TNS1: variants seen among roughly 807,000 people sequenced by gnomAD.
TNS1 encodes the protein tensin 1.
Under a neutral mutation model 168.6 loss-of-function variants are expected in TNS1, and 62 were observed. The ratio of observed to expected loss-of-function variants is 0.37; its 90% CI spans 0.30 to 0.45. The LOEUF is 0.45. Among genes scored for constraint, TNS1 ranks in the 20% least tolerant of loss-of-function variants. The probability of loss-of-function intolerance (pLI) is 1.00; values close to 1 mark genes in which losing one functional copy is unlikely to be tolerated. For missense variants in TNS1, 2,240 were observed against 2,339.4 expected (o/e 0.96, Z 0.88); for synonymous variants, 934 against 933.2 (o/e 1.00, Z -0.02).
rs953182461 is a variant in TNS1, at chr2:217,893,695, C to A, written c.595-134G>T. On this transcript the variant is annotated intron_variant, in intron 9 of 32. Coordinates refer to ENST00000682258, the MANE Select transcript of TNS1 (RefSeq NM_001387777.1). ...GCTGGTTCCTGCCAGGACTTGGTTC[C>A]TCCCTGCCCACTGGCCAGCGAGGAG... 4 of 1,308,176 alleles carry A rather than the reference C, an allele frequency of 3.1e-6. No homozygotes were observed. The Admixed American group carries it at 7.1e-5, about 23-fold the overall frequency. 81.0% of individuals were successfully genotyped at this position (1,308,176 alleles called of 1,614,324 possible).
At chr2:217,915,539 C>T (rs1397759533) in intron 4 of TNS1, among the ~76,000 whole-genome samples, 1 of 152,120 alleles carries the variant, frequency 6.6e-6, no homozygotes, top group Non-Finnish European at 1.5e-5. Flanking sequence ...GGTAGGTGCT[C>T]CAGAGATATG....
chr2:217,958,747 G>A (rs566972685), intron 3 of TNS1, among the ~76,000 whole-genome samples: 1 of 152,326 alleles, frequency 6.6e-6, no homozygotes, highest in East Asian at 1.9e-4. Flanking sequence ...GCCCAGGCAG[G>A]CAGGTAAGCA....
intron 4 of TNS1, among the ~76,000 whole-genome samples, chr2:217,916,891 G>C (rs958593296): frequency 2.6e-5 from 4 of 152,204 alleles, no homozygotes; most frequent in Admixed American, 2.6e-4. Flanking sequence ...CAGAAGGACA[G>C]ACACACCATG....
At chr2:217,907,570 T>G (rs574367033) in intron 4 of TNS1, among the ~76,000 whole-genome samples, 1 of 152,334 alleles carries the variant, frequency 6.6e-6, no homozygotes, top group South Asian at 2.1e-4. Context: ...ACTTACAGCA[T>G]CTCATTTATT....
chr2:218,024,469 C>T (rs1368076100), intron 1 of TNS1, among the ~76,000 whole-genome samples: 1 of 152,128 alleles, frequency 6.6e-6, no homozygotes, highest in Non-Finnish European at 1.5e-5. Flanking sequence ...TGCAGTCTGC[C>T]GGCTGCTGCA....
chr2:217,805,594 A>C (rs1187600979), intron 32 of TNS1, among the ~76,000 whole-genome samples: 1 of 42,924 alleles, frequency 2.3e-5, no homozygotes, highest in African/African-American at 7.5e-5. Flanking sequence ...AACACACACC[A>C]CCACACACCA....
intron 3 of TNS1, among the ~76,000 whole-genome samples, chr2:217,963,598 C>G (rs934601053): frequency 2.6e-5 from 4 of 151,958 alleles, no homozygotes; most frequent in Admixed American, 6.6e-5. Context: ...TTCCAAATAG[C>G]TAGATAAGAA....
chr2:217,968,198 G>C (rs1238598993), intron 3 of TNS1, among the ~76,000 whole-genome samples: 1 of 152,182 alleles, frequency 6.6e-6, no homozygotes, highest in Non-Finnish European at 1.5e-5. Flanking sequence ...ATGCTTAGTG[G>C]TGAAATATTG....
At chr2:218,009,112 G>A (rs987517307) in intron 1 of TNS1, among the ~76,000 whole-genome samples, 7 of 152,184 alleles carry the variant, frequency 4.6e-5, no homozygotes, top group African/African-American at 7.2e-5. Flanking sequence ...CCATAGCTGG[G>A]ACTCTTAACC....
intron 18 of TNS1, among the ~76,000 whole-genome samples, chr2:217,868,497 A>G (rs1046271617): frequency 2.0e-5 from 3 of 152,234 alleles, no homozygotes; most frequent in Non-Finnish European, 4.4e-5. Context: ...GGGATGGTTG[A>G]AGGTGAACTC....
intron 18 of TNS1, chr2:217,859,575 G>A (rs772996433): frequency 2.1e-5 from 30 of 1,421,040 alleles, no homozygotes; most frequent in Non-Finnish European, 6.7e-6. Context: ...ATTCTGGCTT[G>A]GCAACTTGAC....
At chr2:217,949,902 C>T (rs1335368576) in intron 3 of TNS1, among the ~76,000 whole-genome samples, 1 of 152,112 alleles carries the variant, frequency 6.6e-6, no homozygotes. Context: ...AAACCTGAAT[C>T]GATAAGAGTT....
In TNS1 at chr2:217,938,412, C is replaced by T. The variant is rs115931819; in HGVS notation, c.187-18176G>A. ...TGTGGCCAGGAGCCCTACCCTTGCA[C>T]GGGTTCAAAGCTCTCAGCTTATATG... On this transcript the variant is annotated intron_variant, in intron 3 of 32. Coordinates refer to ENST00000682258, the MANE Select transcript of TNS1 (RefSeq NM_001387777.1). Among the ~76,000 whole-genome samples the T allele has an allele frequency of 9.8e-3, 1,498 of 152,292 alleles. 28 individuals carry two copies. Among genetic ancestry groups the T allele is most frequent in the African/African-American group, 0.034 (1,393 of 41,544 alleles).
chr2:217,888,592 A>C (rs1384366494), intron 12 of TNS1, among the ~76,000 whole-genome samples: 1 of 152,188 alleles, frequency 6.6e-6, no homozygotes, highest in East Asian at 1.9e-4. Context: ...GTGAGAGATA[A>C]TTGAATCATG....
rs147184489 is a variant in TNS1, at chr2:217,840,942, G to T, written c.3008-4731C>A. Among the ~76,000 whole-genome samples, 648 of 152,330 alleles carry T rather than the reference G, an allele frequency of 4.3e-3. 5 individuals carry two copies. Among genetic ancestry groups the T allele is most frequent in the African/African-American group, 0.015 (622 of 41,562 alleles). On this transcript the variant is annotated intron_variant, in intron 19 of 32. Coordinates refer to ENST00000682258, the MANE Select transcript of TNS1 (RefSeq NM_001387777.1). ...CTCTGGCTCATGCAGACAGGAGGGAGAGAGGGCTGGAGAGAGGAGGGATGG... is the reference window on the plus strand; with the variant it reads ...CTCTGGCTCATGCAGACAGGAGGGATAGAGGGCTGGAGAGAGGAGGGATGG...
chr2:217,882,411 T>C lies in TNS1; in HGVS notation c.1247A>G (p.Asp416Gly). ...TTTGCCATACTCTGGAAATCGATCA[T>C]CTGGAAAAAGAGAAGGAAAAATAAA... The part of the protein sequence containing the change: ...GKEDLDDAFK[D>G]DRFPEYGKVE... Residue 416 changes from aspartate (D) to glycine (G), a missense_variant and splice_region_variant, in exon 17 of 33, where the codon GAT becomes GGT. Physicochemically the swap from Asp to Gly is moderately conservative, Grantham distance 94. Transcript: ENST00000682258. The C allele has an allele frequency of 6.3e-7, 1 of 1,596,876 alleles. No homozygotes were observed. Among genetic ancestry groups the C allele is most frequent in the Non-Finnish European group, 8.5e-7 (1 of 1,174,650 alleles).
rs547859847 is a variant in TNS1, at chr2:217,838,652, C to T, written c.3008-2441G>A. Among the ~76,000 whole-genome samples, 8 of 152,376 alleles carry T rather than the reference C, an allele frequency of 5.3e-5. No homozygotes were observed. In the East Asian group the frequency reaches 1.5e-3, roughly 29 times the overall value. Reference sequence around the variant, plus strand: ...CATGGCACCAATGGCCAGTCAGGGCCACTCACATTCTTTGAACACAGTGTC... The same window carrying T: ...CATGGCACCAATGGCCAGTCAGGGCTACTCACATTCTTTGAACACAGTGTC... On this transcript the variant is annotated intron_variant, in intron 19 of 32. Transcript: ENST00000682258.
intron 18 of TNS1, among the ~76,000 whole-genome samples, chr2:217,853,697 A>G (rs1206071954): frequency 6.6e-6 from 1 of 151,086 alleles, no homozygotes; most frequent in Non-Finnish European, 1.5e-5. Context: ...AGAGTTCCAG[A>G]CTCCACCCTC....
chr2:217,956,455 T>TAAAGACA (rs1489314118), intron 3 of TNS1, among the ~76,000 whole-genome samples: 1 of 137,710 alleles, frequency 7.3e-6, no homozygotes, highest in African/African-American at 3.1e-5. Context: ...AACAAAGAAA[T>TAAAGACA]AAAGACAGGG....
Sources: allele counts gnomAD v4.1 joint callset (sites outside exome capture counted in the v4.1 genomes callset), GRCh38; gene constraint gnomAD v4.1.1; transcripts MANE v1.5; gene names NCBI Gene and HGNC (gene_info 2026-07-23, HGNC 2026-07-21).